SUPT3H: variants seen among roughly 807,000 people sequenced by gnomAD.
SUPT3H encodes transcription initiation protein SPT3 homolog.
SUPT3H carries 44 observed loss-of-function variants against 44.3 expected under a neutral mutation model. That is an observed-to-expected ratio of 0.99 (90% CI 0.78 to 1.28). The LOEUF (loss-of-function observed/expected upper bound fraction) is 1.28, where lower values mean the gene tolerates loss of function less well. Among genes scored for constraint, SUPT3H ranks in the 50% most tolerant of loss-of-function variants. The pLI is 0.00. For missense variants in SUPT3H, 380 were observed against 387.1 expected (o/e 0.98, Z 0.15); for synonymous variants, 124 against 125.6 (o/e 0.99, Z 0.09).
intron 2 of SUPT3H, among the ~76,000 whole-genome samples, chr6:45,236,835 A>G (rs1449603308): frequency 2.0e-5 from 3 of 152,080 alleles, no homozygotes; most frequent in Non-Finnish European, 4.4e-5. Context: ...ATCAATATGG[A>G]CCAGGTTCTC....
intron 2 of SUPT3H, among the ~76,000 whole-genome samples, chr6:45,202,594 T>A (rs1051099229): frequency 1.3e-5 from 2 of 152,040 alleles, no homozygotes; most frequent in Non-Finnish European, 2.9e-5. Flanking sequence ...AATAATTGTA[T>A]CCATAAACTT....
intron 2 of SUPT3H, among the ~76,000 whole-genome samples, chr6:45,194,421 T>C (rs972374335): frequency 3.3e-5 from 5 of 152,116 alleles, no homozygotes; most frequent in South Asian, 2.1e-4. Flanking sequence ...ACTAAACCTA[T>C]TGTTTACAAC....
intron 9 of SUPT3H, among the ~76,000 whole-genome samples, chr6:44,943,325 T>A (rs1025854538): frequency 1.3e-5 from 2 of 152,030 alleles, no homozygotes; most frequent in Admixed American, 6.6e-5. Context: ...TGCTCCAATC[T>A]GAAGAACAGA....
intron 3 of SUPT3H, among the ~76,000 whole-genome samples, chr6:45,057,592 G>C (rs1021581174): frequency 1.3e-5 from 2 of 152,178 alleles, no homozygotes; most frequent in Non-Finnish European, 2.9e-5. Flanking sequence ...TCAGAGTTGA[G>C]AGGATGGCAG....
intron 7 of SUPT3H, among the ~76,000 whole-genome samples, chr6:44,955,977 C>T (rs1183759260): frequency 1.3e-5 from 2 of 150,272 alleles, no homozygotes; most frequent in African/African-American, 2.4e-5. Flanking sequence ...AAAAAATTAG[C>T]CAGGCATGGT....
chr6:45,023,938 A>C, intron 3 of SUPT3H, among the ~76,000 whole-genome samples: 1 of 152,124 alleles, frequency 6.6e-6, no homozygotes, highest in Non-Finnish European at 1.5e-5. Context: ...CAAAACAAAA[A>C]ACAGGTGAGC....
At chr6:44,901,046 G>C (rs1271462994) in intron 10 of SUPT3H, among the ~76,000 whole-genome samples, 1 of 152,020 alleles carries the variant, frequency 6.6e-6, no homozygotes, top group Non-Finnish European at 1.5e-5. Flanking sequence ...AAAGACCAAA[G>C]GTAGATAAAA....
At chr6:44,916,467 T>C (rs920390781) in intron 10 of SUPT3H, among the ~76,000 whole-genome samples, 3 of 152,202 alleles carry the variant, frequency 2.0e-5, no homozygotes, top group Non-Finnish European at 4.4e-5. Flanking sequence ...TGGGTCTGTT[T>C]GCCCACACAA....
intron 10 of SUPT3H, among the ~76,000 whole-genome samples, chr6:44,862,637 C>T (rs1364382855): frequency 6.8e-6 from 1 of 147,424 alleles, no homozygotes; most frequent in African/African-American, 2.5e-5. Flanking sequence ...AAGATTGCGC[C>T]ACTGCACTCC....
At chr6:45,178,328 A>C (rs1404492636) in intron 2 of SUPT3H, among the ~76,000 whole-genome samples, 37 of 152,188 alleles carry the variant, frequency 2.4e-4, no homozygotes, top group Non-Finnish European at 2.6e-4. Flanking sequence ...AGGCCATTAC[A>C]TAATGGTAAA....
chr6:45,333,994 A>G (rs964842495), intron 2 of SUPT3H, among the ~76,000 whole-genome samples: 7 of 151,386 alleles, frequency 4.6e-5, no homozygotes, highest in Non-Finnish European at 8.9e-5. Flanking sequence ...AGATATTTAA[A>G]AATTATCATA....
At chr6:45,073,064 A>G (rs1442348975) in intron 3 of SUPT3H, among the ~76,000 whole-genome samples, 2 of 152,136 alleles carry the variant, frequency 1.3e-5, no homozygotes, top group South Asian at 4.1e-4. Context: ...TTTCTCCGTT[A>G]AAGTCTATTT....
At chr6:45,119,140 G>A (rs1186665334) in intron 2 of SUPT3H, among the ~76,000 whole-genome samples, 3 of 152,038 alleles carry the variant, frequency 2.0e-5, no homozygotes, top group East Asian at 1.9e-4. Context: ...ACAATGTTTT[G>A]TTATGCAGCA....
chr6:44,970,953 A>G (rs1394104101), intron 6 of SUPT3H, among the ~76,000 whole-genome samples: 2 of 152,212 alleles, frequency 1.3e-5, no homozygotes, highest in African/African-American at 2.4e-5. Context: ...TACATAGAAT[A>G]AAAGTCTAGC....
chr6:45,154,770 T>C (rs1200708318), intron 2 of SUPT3H, among the ~76,000 whole-genome samples: 1 of 152,184 alleles, frequency 6.6e-6, no homozygotes, highest in Admixed American at 6.6e-5. Flanking sequence ...CTAAACCTCA[T>C]TGGGTTATTG....
Position 45,224,797 on chromosome 6 carries a change from A to T in SUPT3H, c.102-118791T>A, listed in dbSNP as rs770642419. 2.6e-5 allele frequency among the ~76,000 whole-genome samples: 4 copies of T among 151,668 alleles called. No individual in the cohort carries two copies. The East Asian group carries it at 5.8e-4, about 22-fold the overall frequency. ...TGTCTCCAAAAAAAAAAAAGAAAGA[A>T]AGATAGAAAGAAAAAAACTACACCC... is the stretch of plus-strand genomic sequence containing the variant. On this transcript the variant is annotated intron_variant, in intron 2 of 10. Coordinates refer to ENST00000371459, the MANE Select transcript of SUPT3H (RefSeq NM_003599.4).
chr6:44,953,999 A>G (rs906502696), intron 8 of SUPT3H, among the ~76,000 whole-genome samples: 5 of 152,146 alleles, frequency 3.3e-5, no homozygotes, highest in Non-Finnish European at 7.4e-5. Context: ...CGGCCTCCCA[A>G]AGTGTTGGGA....
At chr6:44,831,300 AT>A (rs1305812614) in intron 10 of SUPT3H, among the ~76,000 whole-genome samples, 2 of 152,096 alleles carry the variant, frequency 1.3e-5, no homozygotes, top group African/African-American at 4.8e-5. Flanking sequence ...GTTCTTTACC[AT>A]GGGGCTTTTT....
chr6:45,099,091 T>C (rs868011909), intron 3 of SUPT3H: 20 of 362,872 alleles, frequency 5.5e-5, no homozygotes, highest in Admixed American at 4.7e-4. Flanking sequence ...GTGGTGAACA[T>C]TGCCCAGCCA....
Sources: allele counts gnomAD v4.1 joint callset (sites outside exome capture counted in the v4.1 genomes callset), GRCh38; gene constraint gnomAD v4.1.1; transcripts MANE v1.5; gene names NCBI Gene and HGNC (gene_info 2026-07-23, HGNC 2026-07-21).